PPP4R2: variants seen among roughly 807,000 people sequenced by gnomAD.
PPP4R2 encodes protein phosphatase 4 regulatory subunit 2.
PPP4R2 carries 13 observed loss-of-function variants against 47.2 expected under a neutral mutation model. The ratio of observed to expected loss-of-function variants is 0.28; its 90% CI spans 0.18 to 0.44. The LOEUF is 0.44. Among genes scored for constraint, PPP4R2 ranks in the 20% least tolerant of loss-of-function variants. The pLI is 1.00. For synonymous variants in PPP4R2, 151 were observed against 163.3 expected (o/e 0.92, Z 0.57); for missense variants, 421 against 491.2 (o/e 0.86, Z 1.35).
At chr3:73,063,363 C>G in intron 5 of PPP4R2, 1 of 241,480 alleles carries the variant, frequency 4.1e-6, no homozygotes, top group East Asian at 1.2e-4. Context: ...TGGCTTAACG[C>G]CTGTAATCCC....
intron 2 of PPP4R2, among the ~76,000 whole-genome samples, chr3:73,044,808 T>C (rs1305084365): frequency 6.6e-6 from 1 of 152,232 alleles, no homozygotes; most frequent in African/African-American, 2.4e-5. Context: ...GGGTCATCTT[T>C]TTTGTTAAGT....
chr3:73,000,872 A>G (rs180727769), intron 2 of PPP4R2, among the ~76,000 whole-genome samples: 4 of 152,342 alleles, frequency 2.6e-5, no homozygotes, highest in Admixed American at 2.0e-4. Flanking sequence ...GAATTTAAAC[A>G]CTTGATGCAT....
At chr3:73,011,805 A>T (rs1438386070) in intron 2 of PPP4R2, among the ~76,000 whole-genome samples, 1 of 152,194 alleles carries the variant, frequency 6.6e-6, no homozygotes, top group East Asian at 1.9e-4. Flanking sequence ...TAAGCTTTCT[A>T]TTTAATATAT....
chr3:73,068,367 G>A lies in PPP4R2; in HGVS notation c.*2645G>A, dbSNP rs1648412493. ...ATTTGAAGATGGTGATGAGGAAAGT[G>A]AGATATATATATATATATGTATTAT... On this transcript the variant is annotated 3_prime_UTR_variant, in exon 9 of 9. Coordinates refer to ENST00000356692, the MANE Select transcript of PPP4R2 (RefSeq NM_174907.4). The A allele has an allele frequency of 6.6e-6, 1 of 151,570 alleles. No individual in the cohort carries two copies. Among genetic ancestry groups the A allele is most frequent in the African/African-American group, 2.4e-5 (1 of 40,928 alleles). 9.4% of individuals were successfully genotyped at this position (151,570 alleles called of 1,614,324 possible).
chr3:73,055,667 C>CT (rs5850095), intron 3 of PPP4R2, among the ~76,000 whole-genome samples: 75,124 of 142,970 alleles, frequency 0.53, 19,774 homozygotes, highest in South Asian at 0.61. Flanking sequence ...AAACCAAACG[C>CT]TTTTTTTTTT....
chr3:73,055,035 C>T (rs1319779546), intron 3 of PPP4R2, among the ~76,000 whole-genome samples: 1 of 151,998 alleles, frequency 6.6e-6, no homozygotes, highest in East Asian at 1.9e-4. Context: ...ATAGGGACAG[C>T]TTGCATTTAA....
rs1303341542 is a variant in PPP4R2, at chr3:73,066,095, C to T, written c.*373C>T. ...TATACATATGCAAGAAGCTTTTTGT[C>T]TTGTCTCTTTCTGATAGCTCTAGCA... On this transcript the variant is annotated 3_prime_UTR_variant, in exon 9 of 9. Coordinates refer to ENST00000356692, the MANE Select transcript of PPP4R2 (RefSeq NM_174907.4). 1 of 151,410 alleles carries T rather than the reference C, an allele frequency of 6.6e-6. No homozygotes were observed. Among genetic ancestry groups the T allele is most frequent in the Admixed American group, 6.6e-5 (1 of 15,130 alleles). 9.4% of individuals were successfully genotyped at this position (151,410 alleles called of 1,614,324 possible).
intron 7 of PPP4R2, 129 bp downstream of exon 7, chr3:73,064,275 C>T: frequency 1.3e-6 from 1 of 745,520 alleles, no homozygotes; most frequent in Non-Finnish European, 2.1e-6. Flanking sequence ...TTTATAGGAG[C>T]ACTGGCTTCT....
intron 5 of PPP4R2, chr3:73,062,435 T>C: frequency 6.2e-7 from 1 of 1,611,840 alleles, no homozygotes; most frequent in Middle Eastern, 1.7e-4. Context: ...ATAAATCTCA[T>C]TTCCACCCTG....
At chr3:73,023,081 G>A (rs371888468) in intron 2 of PPP4R2, among the ~76,000 whole-genome samples, 16 of 152,076 alleles carry the variant, frequency 1.1e-4, no homozygotes, top group African/African-American at 3.4e-4. Context: ...TCCTTACTTT[G>A]TGACTGTTTA....
At position 73,055,492 on chromosome 3, in the gene PPP4R2, C is replaced by T. The variant is rs572029834; in HGVS notation, c.288-3545C>T. 3.1e-3 allele frequency among the ~76,000 whole-genome samples: 460 copies of T among 146,838 alleles called. 3 individuals carry two copies. Among genetic ancestry groups the T allele is most frequent in the Non-Finnish European group, 4.1e-3 (274 of 66,966 alleles). On this transcript the variant is annotated intron_variant, in intron 3 of 8. Transcript: ENST00000356692. ...TATATATATTTAGCAAAGGTGGATC[C>T]TTAATGTGTGGGGCGGGGGGTTTAA...
rs1357070865 is a variant in PPP4R2, at chr3:73,065,447, A to G, written c.979A>G (p.Lys327Glu). The change falls in exon 9 of 9, where the codon AAA (lysine) becomes GAA (glutamate). Residue 327 changes from lysine (K) to glutamate (E), a missense_variant. Around this residue, in one of 2 missense-constraint regions of PPP4R2, gnomAD observed 317 missense variants for 287.5 expected, o/e 1.10. Transcript: ENST00000356692. ...EMIPERKNQE[K>E]ESDDALTVNE... is the part of the protein sequence containing the mutation. ...GATCCCAGAAAGAAAAAATCAAGAAAAAGAATCTGATGATGCCTTAACTGT... is the reference window on the plus strand; with the variant it reads ...GATCCCAGAAAGAAAAAATCAAGAAGAAGAATCTGATGATGCCTTAACTGT... 2 of 1,606,336 alleles carry G rather than the reference A, an allele frequency of 1.2e-6. No individual in the cohort carries two copies. The highest frequency in any genetic ancestry group is 4.5e-5 in the East Asian group (2 of 44,794).
At chr3:72,998,283 T>C (rs1311473259) in intron 2 of PPP4R2, 125 bp downstream of exon 2, 3 of 584,968 alleles carry the variant, frequency 5.1e-6, no homozygotes, top group Non-Finnish European at 5.9e-6. Context: ...GTCCTGGTCA[T>C]TTAAATAATT....
intron 2 of PPP4R2, among the ~76,000 whole-genome samples, chr3:72,999,612 A>G (rs1293704983): frequency 6.6e-6 from 1 of 152,234 alleles, no homozygotes; most frequent in Admixed American, 6.5e-5. Context: ...TACATTGCCT[A>G]TAAATGTATA....
chr3:73,051,141 C>T (rs1435234421), intron 3 of PPP4R2, among the ~76,000 whole-genome samples: 1 of 152,176 alleles, frequency 6.6e-6, no homozygotes, highest in Non-Finnish European at 1.5e-5. Flanking sequence ...TCTTGAATTC[C>T]AGACCTCAGG....
rs1245599779 is a variant in PPP4R2, at chr3:73,002,629, C to CTTTT, written c.116+4472_116+4475dup. ...TTTTTCTTTTCTTTTCTTTTCTTTT[C>CTTTT]TTTTCTTTTTTTTTTTTTTTTTTTT... On this transcript the variant is annotated intron_variant, in intron 2 of 8. Coordinates refer to ENST00000356692, the MANE Select transcript of PPP4R2 (RefSeq NM_174907.4). Among the ~76,000 whole-genome samples, 165 of 82,926 alleles carry CTTTT rather than the reference C, an allele frequency of 2.0e-3. 5 individuals carry two copies. The highest frequency in any genetic ancestry group is 0.011 in the Middle Eastern group (2 of 176). 54.4% of individuals were successfully genotyped at this position (82,926 alleles called of 152,430 possible). A position where few individuals can be genotyped will look rare whatever the true frequency, so the allele number is the denominator to read the frequency against.
intron 2 of PPP4R2, among the ~76,000 whole-genome samples, chr3:73,006,974 T>C (rs967152594): frequency 6.6e-5 from 10 of 152,198 alleles, no homozygotes; most frequent in Admixed American, 2.0e-4. Flanking sequence ...TGTCAGCTAG[T>C]TTTGTTGTAA....
At chr3:73,014,965 A>G (rs141334840) in intron 2 of PPP4R2, 8,337 of 694,342 alleles carry the variant, frequency 0.012, 93 homozygotes, top group Non-Finnish European at 0.016. Context: ...CAACTTCCCA[A>G]ACTGCGGGGA....
intron 2 of PPP4R2, among the ~76,000 whole-genome samples, chr3:73,023,575 A>G (rs1702001796): frequency 6.6e-6 from 1 of 152,234 alleles, no homozygotes; most frequent in South Asian, 2.1e-4. Flanking sequence ...ACAGCTGCAT[A>G]TTTAAAATAT....
Sources: gnomAD v4.1 joint callset for allele counts (sites outside exome capture counted in the v4.1 genomes callset) on GRCh38, gnomAD v4.1.1 for gene constraint, gnomAD v4.1.1 regional missense constraint, MANE v1.5 for transcripts, NCBI Gene and HGNC (gene_info 2026-07-23, HGNC 2026-07-21) for gene names.